The following RASA1 variants were observed in gnomAD, a reference collection of about 807,000 sequenced individuals.
The protein encoded by RASA1 is RAS p21 protein activator 1, also known as ras GTPase-activating protein 1.
Under a neutral mutation model 132.2 loss-of-function variants are expected in RASA1, and 25 were observed. The ratio of observed to expected loss-of-function variants is 0.19; its 90% confidence interval spans 0.14 to 0.26. RASA1 has a LOEUF of 0.26. Ranked by LOEUF, RASA1 falls within the 10% of genes least tolerant of loss-of-function variation. The probability of loss-of-function intolerance (pLI) is 1.00; values close to 1 mark genes in which losing one functional copy is unlikely to be tolerated. For synonymous variants in RASA1, 477 were observed against 449.9 expected, an observed-to-expected ratio of 1.06 and a Z score of -0.76; for missense variants, 964 against 1,299.2, an observed-to-expected ratio of 0.74 and a Z score of 3.97.
chr5:87,358,442 T>C (rs1297228178), intron 9 of RASA1, among the ~76,000 whole-genome samples: 3 of 152,152 alleles, frequency 2.0e-5, no homozygotes, highest in African/African-American at 7.2e-5. Context: ...TCATCCTCAA[T>C]TCTTCTCTTT....
intron 22 of RASA1, among the ~76,000 whole-genome samples, chr5:87,386,094 C>A (rs1465988470): frequency 6.6e-6 from 1 of 152,000 alleles, no homozygotes; most frequent in Non-Finnish European, 1.5e-5. Flanking sequence ...TGCCAGAACT[C>A]ATTGGGTACT....
chr5:87,343,374 T>C (rs1390624620), intron 6 of RASA1, among the ~76,000 whole-genome samples: 1 of 152,184 alleles, frequency 6.6e-6, no homozygotes, highest in Non-Finnish European at 1.5e-5. Flanking sequence ...CTTGACTCTT[T>C]AGCCTCATCA....
chr5:87,351,661 A>G (rs1386682662), intron 8 of RASA1, among the ~76,000 whole-genome samples: 3 of 151,796 alleles, frequency 2.0e-5, no homozygotes, highest in Admixed American at 1.3e-4. Context: ...ATGAATGTCT[A>G]GAAAATTCTG....
At chr5:87,373,924 A>G (rs1761131830) in intron 13 of RASA1, among the ~76,000 whole-genome samples, 3 of 151,994 alleles carry the variant, frequency 2.0e-5, no homozygotes, top group Admixed American at 2.0e-4. Context: ...ACTGGGAGAA[A>G]TAACTTGTAA....
intron 1 of RASA1, among the ~76,000 whole-genome samples, chr5:87,278,909 C>CT (rs58122450): frequency 0.86 from 72,291 of 83,890 alleles, 31,438 homozygotes; most frequent in South Asian, 0.93. Flanking sequence ...CTAATTTGTT[C>CT]TTTTTTTTTT....
chr5:87,380,057 G>A (rs1761602438), intron 19 of RASA1, among the ~76,000 whole-genome samples: 1 of 152,128 alleles, frequency 6.6e-6, no homozygotes, highest in Non-Finnish European at 1.5e-5. Context: ...CAATATGTCT[G>A]GTTTGTACTG....
intron 11 of RASA1, among the ~76,000 whole-genome samples, chr5:87,369,334 T>C (rs1220168690): frequency 6.6e-6 from 1 of 152,178 alleles, no homozygotes; most frequent in African/African-American, 2.4e-5. Context: ...AACAAGCATA[T>C]GTATGAAGAG....
chr5:87,388,592 T>G lies in RASA1; in HGVS notation c.2926-801T>G, dbSNP rs976259024. Among the ~76,000 whole-genome samples, 3 of 152,316 alleles carry G rather than the reference T, an allele frequency of 2.0e-5. No individual in the cohort carries two copies. In the East Asian group the frequency reaches 5.8e-4, roughly 29 times the overall value. On this transcript the variant is annotated intron_variant, in intron 23 of 24. Coordinates refer to ENST00000274376, the MANE Select transcript of RASA1 (RefSeq NM_002890.3). ...AGCATTTTGGGTGATATTCAACCTA[T>G]ACTATAAACTTTCATTATAGTGACT...
chr5:87,317,561 A>G (rs1756432845), intron 1 of RASA1, among the ~76,000 whole-genome samples: 1 of 150,290 alleles, frequency 6.7e-6, no homozygotes, highest in Non-Finnish European at 1.5e-5. Flanking sequence ...TTGTGTTTCC[A>G]CCTATCTTTT....
intron 20 of RASA1, among the ~76,000 whole-genome samples, chr5:87,382,903 G>A (rs997504958): frequency 7.9e-5 from 12 of 151,496 alleles, no homozygotes; most frequent in African/African-American, 1.7e-4. Context: ...GCACCGTAGC[G>A]AGACTCTGCT....
rs532507758 is a variant in RASA1, at chr5:87,375,886, C to T, written c.2012-507C>T. On this transcript the variant is annotated intron_variant, in intron 15 of 24. Coordinates refer to ENST00000274376, the MANE Select transcript of RASA1 (RefSeq NM_002890.3). Reference sequence around the variant, plus strand: ...TAATTTTAGTTTTCCATTACTTTTACGATAAAATCCAAACCCCATAGTAAT... The same window carrying T: ...TAATTTTAGTTTTCCATTACTTTTATGATAAAATCCAAACCCCATAGTAAT... Among the ~76,000 whole-genome samples, 7 of 152,250 alleles carry T rather than the reference C, an allele frequency of 4.6e-5. No homozygotes were observed. The South Asian group carries it at 6.2e-4, about 14-fold the overall frequency.
At chr5:87,316,151 C>G (rs1160014724) in intron 1 of RASA1, among the ~76,000 whole-genome samples, 1 of 152,150 alleles carries the variant, frequency 6.6e-6, no homozygotes, top group Non-Finnish European at 1.5e-5. Flanking sequence ...AAGCAAATTA[C>G]AAGTATAAAT....
At chr5:87,314,098 G>A (rs545053849) in intron 1 of RASA1, among the ~76,000 whole-genome samples, 1 of 152,258 alleles carries the variant, frequency 6.6e-6, no homozygotes, top group African/African-American at 2.4e-5. Context: ...GCTTGAACCC[G>A]GGACGTGGAG....
rs1178763018 is a variant in RASA1, at chr5:87,379,952, A to T, written c.2603+102A>T. On this transcript the variant is annotated intron_variant, in intron 19 of 24. Coordinates refer to ENST00000274376, the MANE Select transcript of RASA1 (RefSeq NM_002890.3). ...GCTTTTCTGTTGTCCTAATATTATTATACTCTGAAAAAGTCATGGTTAATC... is the reference window on the plus strand; with the variant it reads ...GCTTTTCTGTTGTCCTAATATTATTTTACTCTGAAAAAGTCATGGTTAATC... The T allele has an allele frequency of 3.3e-6, 4 of 1,195,966 alleles. No individual in the cohort carries two copies. The Admixed American group carries it at 6.5e-5, about 19-fold the overall frequency. 74.1% of individuals were successfully genotyped at this position (1,195,966 alleles called of 1,614,324 possible).
chr5:87,269,153 C>T lies in RASA1; in HGVS notation c.539+163C>T, dbSNP rs140660566. The T allele has an allele frequency of 1.9e-4, 309 of 1,612,848 alleles. 4 individuals carry two copies. In the East Asian group the frequency reaches 6.8e-3, roughly 36 times the overall value. On this transcript the variant is annotated intron_variant, in intron 1 of 24. Coordinates refer to ENST00000274376, the MANE Select transcript of RASA1 (RefSeq NM_002890.3). Reference sequence around the variant, plus strand: ...GGAATTTAATCTGATCACTTATCTTCCTTACAGGCATACTACCTGGCGTCT... The same window carrying T: ...GGAATTTAATCTGATCACTTATCTTTCTTACAGGCATACTACCTGGCGTCT...
chr5:87,381,434 T>C (rs1378512750), intron 20 of RASA1, among the ~76,000 whole-genome samples: 1 of 152,214 alleles, frequency 6.6e-6, no homozygotes, highest in Non-Finnish European at 1.5e-5. Context: ...AGTTTTCTAA[T>C]AATATAATTT....
chr5:87,378,112 A>G (rs1761447047), intron 17 of RASA1, among the ~76,000 whole-genome samples: 1 of 152,202 alleles, frequency 6.6e-6, no homozygotes, highest in Non-Finnish European at 1.5e-5. Context: ...TGTCTAATTG[A>G]TCTTAAGTCA....
intron 1 of RASA1, among the ~76,000 whole-genome samples, chr5:87,270,668 TTTTTTTTTTTTTTTTG>T: frequency 2.1e-5 from 2 of 97,352 alleles, no homozygotes; most frequent in African/African-American, 3.4e-5. Flanking sequence ...TTTTTTTTTT[TTTTTTTTTTTTTTTTG>T]GATAAGCTTC....
At chr5:87,317,634 CTTT>C (rs112587674) in intron 1 of RASA1, among the ~76,000 whole-genome samples, 2 of 143,812 alleles carry the variant, frequency 1.4e-5, no homozygotes, top group Admixed American at 7.0e-5. Flanking sequence ...TTCTCATGCT[CTTT>C]TTTTTTTTTT....
Sources: allele counts gnomAD v4.1 joint callset (sites outside exome capture counted in the v4.1 genomes callset), GRCh38; gene constraint gnomAD v4.1.1; transcripts MANE v1.5; gene names NCBI Gene and HGNC (gene_info 2026-07-23, HGNC 2026-07-21).